OSBPL10: variants seen among roughly 807,000 people sequenced by gnomAD.
OSBPL10 encodes the protein oxysterol binding protein like 10, also known as oxysterol-binding protein-related protein 10.
A neutral mutation model predicts 81.7 loss-of-function variants in OSBPL10; 49 were observed. The ratio of observed to expected loss-of-function variants is 0.60; its 90% CI spans 0.48 to 0.76. OSBPL10 has a LOEUF of 0.76. OSBPL10 is among the 30% of genes least tolerant of loss of function. The pLI, the probability that OSBPL10 is intolerant of heterozygous loss-of-function variation, is 0.00. For missense variants in OSBPL10, 923 were observed against 987.8 expected (o/e 0.93, Z 0.88); for synonymous variants, 419 against 383.6 (o/e 1.09, Z -1.08).
At chr3:32,015,999 G>C (rs961657444) in intron 2 of OSBPL10, among the ~76,000 whole-genome samples, 1 of 152,178 alleles carries the variant, frequency 6.6e-6, no homozygotes, top group African/African-American at 2.4e-5. Context: ...CTGTTGGTGG[G>C]ACTGTAAACT....
At chr3:31,982,333 G>A (rs1441270330), upstream of OSBPL10, among the ~76,000 whole-genome samples, 1 of 152,018 alleles carries the variant, frequency 6.6e-6, no homozygotes, top group Non-Finnish European at 1.5e-5. Flanking sequence ...CTAGAAAAAA[G>A]CTTTGAGGAA....
chr3:31,731,519 C>T (rs1696971865), intron 6 of OSBPL10, among the ~76,000 whole-genome samples: 1 of 145,506 alleles, frequency 6.9e-6, no homozygotes, highest in Non-Finnish European at 1.5e-5. Context: ...GATGGTGTCT[C>T]GTTCTGTTGC....
At chr3:31,868,925 C>T (rs1448207215) in intron 3 of OSBPL10, among the ~76,000 whole-genome samples, 5 of 152,184 alleles carry the variant, frequency 3.3e-5, no homozygotes, top group African/African-American at 1.2e-4. Flanking sequence ...TTGATGTGGT[C>T]ACTTGAAAAT....
chr3:31,806,544 G>A (rs190985782), intron 4 of OSBPL10, among the ~76,000 whole-genome samples: 5 of 152,146 alleles, frequency 3.3e-5, no homozygotes, highest in East Asian at 1.9e-4. Context: ...CTTTGTACCC[G>A]CAGTTAGAAA....
chr3:31,792,651 CTGTGTGTGTGTGG>C (rs1559467232), intron 4 of OSBPL10, among the ~76,000 whole-genome samples: 4 of 150,370 alleles, frequency 2.7e-5, no homozygotes, highest in Non-Finnish European at 3.0e-5. Context: ...TCCAGACACA[CTGTGTGTGTGTGG>C]TGTGTGTGTG....
intron 1 of OSBPL10, among the ~76,000 whole-genome samples, chr3:31,889,568 TA>T (rs1695834693): frequency 6.6e-6 from 1 of 151,678 alleles, no homozygotes; most frequent in South Asian, 2.1e-4. Flanking sequence ...AACCACCACA[TA>T]TTCTCTCACT....
chr3:32,077,354 T>G (rs535647622), intron 1 of OSBPL10: 2 of 152,224 alleles, frequency 1.3e-5, no homozygotes, highest in South Asian at 4.1e-4. Flanking sequence ...AGGAGAGCAC[T>G]CTCCCCCACC....
intron 1 of OSBPL10, among the ~76,000 whole-genome samples, chr3:31,926,387 G>C (rs1449987598): frequency 6.6e-6 from 1 of 151,758 alleles, no homozygotes; most frequent in Non-Finnish European, 1.5e-5. Context: ...CAGGGATGCT[G>C]CTGAGCAGTC....
chr3:31,820,297 A>G, intron 4 of OSBPL10, among the ~76,000 whole-genome samples: 1 of 152,186 alleles, frequency 6.6e-6, no homozygotes, highest in East Asian at 1.9e-4. Context: ...TAATGGGGAT[A>G]TTAGAAAAAA....
intron 5 of OSBPL10, among the ~76,000 whole-genome samples, chr3:31,744,368 C>T (rs1169091445): frequency 6.6e-6 from 1 of 151,774 alleles, no homozygotes; most frequent in Non-Finnish European, 1.5e-5. Context: ...TGGAGAAATC[C>T]GGTCCTTACT....
chr3:31,808,127 T>A (rs1039936322), intron 4 of OSBPL10, among the ~76,000 whole-genome samples: 1 of 152,164 alleles, frequency 6.6e-6, no homozygotes, highest in African/African-American at 2.4e-5. Context: ...TCAGGTACCT[T>A]GGAGAGCAAA....
chr3:32,018,552 A>G (rs957188727), intron 2 of OSBPL10, among the ~76,000 whole-genome samples: 1 of 152,190 alleles, frequency 6.6e-6, no homozygotes, highest in Non-Finnish European at 1.5e-5. Context: ...TGCTGTAAAA[A>G]TGCAAGACAC....
At chr3:31,916,867 C>T (rs56856540) in intron 1 of OSBPL10, among the ~76,000 whole-genome samples, 45,286 of 151,804 alleles carry the variant, frequency 0.3, 7,531 homozygotes, top group African/African-American at 0.43. Flanking sequence ...AAAATGGTTG[C>T]TTATCTCTGC....
chr3:31,896,412 CTA>C (rs1696058973), intron 1 of OSBPL10, among the ~76,000 whole-genome samples: 1 of 152,182 alleles, frequency 6.6e-6, no homozygotes, highest in African/African-American at 2.4e-5. Flanking sequence ...CTTGACAAAT[CTA>C]TGAATTTTGG....
chr3:31,867,154 C>T (rs949495130), intron 3 of OSBPL10, among the ~76,000 whole-genome samples: 1 of 152,148 alleles, frequency 6.6e-6, no homozygotes, highest in Non-Finnish European at 1.5e-5. Flanking sequence ...CTCAGTGTAG[C>T]CACCACTGTT....
chr3:31,751,384 TAAAATAAAATAAAATAAAATA>T (rs1486765302), intron 4 of OSBPL10, among the ~76,000 whole-genome samples: 2 of 40,356 alleles, frequency 5.0e-5, no homozygotes, highest in African/African-American at 2.5e-4. Context: ...ACAAATAAAA[TAAAATAAAATAAAATAAAATA>T]AAAATAAAAA....
intron 4 of OSBPL10, among the ~76,000 whole-genome samples, chr3:31,786,926 G>A (rs139172324): frequency 2.0e-5 from 3 of 152,188 alleles, no homozygotes; most frequent in East Asian, 3.9e-4. Context: ...CTGAACCAGC[G>A]CACCTCCTTA....
intron 3 of OSBPL10, among the ~76,000 whole-genome samples, chr3:31,830,462 G>A (rs764156387): frequency 3.3e-5 from 5 of 151,928 alleles, no homozygotes; most frequent in Admixed American, 6.6e-5. Context: ...CCTGTCCTAC[G>A]CTATGGCCAT....
At chr3:31,728,945 C>T (rs1696886741) in intron 6 of OSBPL10, among the ~76,000 whole-genome samples, 1 of 152,134 alleles carries the variant, frequency 6.6e-6, no homozygotes, top group Non-Finnish European at 1.5e-5. Flanking sequence ...GGAGCATTTC[C>T]TTTGAGTGTC....
Sources: allele counts gnomAD v4.1 joint callset (sites outside exome capture counted in the v4.1 genomes callset), GRCh38; gene constraint gnomAD v4.1.1; transcripts MANE v1.5; gene names NCBI Gene and HGNC (gene_info 2026-07-23, HGNC 2026-07-21).